Variants in ABCB10 observed in about 807,000 individuals in gnomAD.
The protein encoded by ABCB10 is ATP binding cassette subfamily B member 10.
In ABCB10, 54 loss-of-function variants were observed where a neutral mutation model predicts 65.4. That is an observed-to-expected ratio of 0.83 (90% confidence interval 0.66 to 1.04). ABCB10 has a LOEUF of 1.04. Among genes scored for constraint, ABCB10 ranks in the 50% least tolerant of loss-of-function variants. ABCB10 has a pLI of 0.00. For missense variants in ABCB10, 846 were observed against 976.6 expected (o/e 0.87, Z 1.78); for synonymous variants, 418 against 406.5 (o/e 1.03, Z -0.34).
rs1253501945 is a variant in ABCB10 at position 229,558,450 on chromosome 1, CAGCGGCGCGCGGCTCCAACGCCCCAG to C, written c.177_202del (p.Trp60GlufsTer99). The C allele has an allele frequency of 2.5e-6, 3 of 1,222,098 alleles. No homozygotes were observed. Among genetic ancestry groups the C allele is most frequent in the African/African-American group, 1.6e-5 (1 of 62,422 alleles). The allele number at this position is 1,222,098 out of a possible 1,614,324, so 75.7% of individuals were successfully genotyped here. A position where few individuals can be genotyped will look rare whatever the true frequency, so the allele number is the denominator to read the frequency against. ...ACCCCCGCCCCGGCAGCCGCTCCTC[CAGCGGCGCGCGGCTCCAACGCCCCAG>C]AGCAGCGCGGGCCCCGCGCCCCATA... On this transcript the variant is annotated frameshift_variant, in exon 1 of 13. Transcript: ENST00000344517. LOFTEE classifies it high-confidence loss of function.
At chr1:229,547,035 G>A (rs995989239) in intron 3 of ABCB10, among the ~76,000 whole-genome samples, 3 of 152,176 alleles carry the variant, frequency 2.0e-5, no homozygotes, top group African/African-American at 7.2e-5. Context: ...GGTTGAAGAG[G>A]TAAGGCAAGC....
intron 6 of ABCB10, among the ~76,000 whole-genome samples, chr1:229,539,232 C>T (rs1475147514): frequency 6.6e-6 from 1 of 152,158 alleles, no homozygotes; most frequent in African/African-American, 2.4e-5. Flanking sequence ...CTATAAGAGG[C>T]CTGCAAAGAT....
intron 11 of ABCB10, chr1:229,519,147 G>C: frequency 3.2e-6 from 1 of 314,044 alleles, no homozygotes; most frequent in South Asian, 6.8e-5. Flanking sequence ...GGCTGCTAAA[G>C]AGTAGAGGGT....
intron 6 of ABCB10, chr1:229,535,300 T>C (rs1274571852): frequency 6.6e-6 from 1 of 152,228 alleles, no homozygotes; most frequent in African/African-American, 2.4e-5. Context: ...ATAGCAGCTT[T>C]ATTCATCATT....
chr1:229,535,601 C>T (rs1662701374), intron 6 of ABCB10, among the ~76,000 whole-genome samples: 1 of 152,158 alleles, frequency 6.6e-6, no homozygotes, highest in African/African-American at 2.4e-5. Context: ...TAAAACTACT[C>T]TGTATGATAC....
chr1:229,558,698 C>G lies in ABCB10; in HGVS notation c.-46G>C. The G allele has an allele frequency of 8.0e-7, 1 of 1,253,940 alleles. No homozygotes were observed. The highest frequency in any genetic ancestry group is 1.0e-6 in the Non-Finnish European group (1 of 999,826). 77.7% of individuals were successfully genotyped at this position (1,253,940 alleles called of 1,614,324 possible). ...CGCCTCAGCCCGCCGGCCAGGCGCG[C>G]GCAAAGCCCGAGGACCCTCCCGGCC... is the stretch of plus-strand genomic sequence containing the variant. On this transcript the variant is annotated 5_prime_UTR_variant, in exon 1 of 13. Coordinates refer to ENST00000344517, the MANE Select transcript of ABCB10 (RefSeq NM_012089.3).
intron 10 of ABCB10, among the ~76,000 whole-genome samples, chr1:229,524,938 C>T (rs1662400123): frequency 6.6e-6 from 1 of 152,140 alleles, no homozygotes; most frequent in South Asian, 2.1e-4. Flanking sequence ...ACTGCAACCT[C>T]CGCCTCCTGA....
intron 7 of ABCB10, among the ~76,000 whole-genome samples, chr1:229,530,951 T>C (rs376514323): frequency 5.9e-5 from 9 of 152,322 alleles, no homozygotes; most frequent in East Asian, 5.8e-4. Flanking sequence ...TGGGAGACAC[T>C]ACTGAAACTC....
chr1:229,547,705 CA>C lies in ABCB10; in HGVS notation c.719-5del. On this transcript the variant is annotated splice_region_variant and splice_polypyrimidine_tract_variant and intron_variant, in intron 2 of 12. Transcript: ENST00000344517. ...AGCCTATTCACAATGCGCTGACCTG[CA>C]AAAGCAAACACGAACAGGCTCACCA... The C allele has an allele frequency of 6.2e-7, 1 of 1,614,086 alleles. No individual in the cohort carries two copies. The highest frequency in any genetic ancestry group is 1.1e-5 in the South Asian group (1 of 91,082).
At chr1:229,533,076 G>C (rs534365001) in intron 6 of ABCB10, among the ~76,000 whole-genome samples, 1 of 152,236 alleles carries the variant, frequency 6.6e-6, no homozygotes, top group African/African-American at 2.4e-5. Flanking sequence ...CAAAGTGCTG[G>C]AATTACAAGT....
At chr1:229,523,419 G>T (rs1662361480) in intron 10 of ABCB10, among the ~76,000 whole-genome samples, 1 of 152,130 alleles carries the variant, frequency 6.6e-6, no homozygotes, top group Non-Finnish European at 1.5e-5. Context: ...AGTAGTTGCT[G>T]GACATCATTT....
At position 229,542,790 on chromosome 1, in the gene ABCB10, A is replaced by C. The variant is rs1662881813; in HGVS notation, c.922-419T>G. Among the ~76,000 whole-genome samples, 3 of 151,980 alleles carry C rather than the reference A, an allele frequency of 2.0e-5. No homozygotes were observed. In the South Asian group the frequency reaches 6.2e-4, roughly 31 times the overall value. On this transcript the variant is annotated intron_variant, in intron 3 of 12. Coordinates refer to ENST00000344517, the MANE Select transcript of ABCB10 (RefSeq NM_012089.3). The stretch of plus-strand genomic sequence containing the variant: ...CCACCTGCAGGCACTGAACAACCAC[A>C]GCAACACGTCCCATCAAAATGACCA...
chr1:229,539,553 C>T lies in ABCB10; in HGVS notation c.1242G>A (p.Leu414=). ...TGCCCATCAGCAGCCCTCCTTTGTA[C>T]AGGACAGAAAGCACGATCAGGTTTC... ...LSGNLIVLSV[L]YKGGLLMGSA... is the part of the protein sequence containing the mutation. Residue 414 remains leucine (L), a synonymous_variant, in exon 6 of 13, where the codon CTG becomes CTA. Coordinates refer to ENST00000344517, the MANE Select transcript of ABCB10 (RefSeq NM_012089.3). The T allele has an allele frequency of 6.2e-7, 1 of 1,614,054 alleles. No homozygotes were observed. The highest frequency in any genetic ancestry group is 1.1e-5 in the South Asian group (1 of 91,072).
chr1:229,537,912 A>G (rs148803178), intron 6 of ABCB10, among the ~76,000 whole-genome samples: 140 of 152,362 alleles, frequency 9.2e-4, no homozygotes, highest in Non-Finnish European at 1.8e-3. Flanking sequence ...GTTGGATTAA[A>G]TTCCTATCAC....
Position 229,530,362 on chromosome 1 carries a change from A to C in ABCB10, c.1482T>G (p.Phe494Leu). Residue 494 changes from phenylalanine (F) to leucine (L), a missense_variant, in exon 8 of 13, where the codon TTT becomes TTG. Coordinates refer to ENST00000344517, the MANE Select transcript of ABCB10 (RefSeq NM_012089.3). ...CTGGATAGGCAAAATGCACGTTCTT[A>C]AACTCCAAAGCACCCTGGAAGCTTT... Reference protein sequence around the residue: ...NEKSFQGALEFKNVHFAYPAR... With the variant: ...NEKSFQGALELKNVHFAYPAR... 3.1e-6 allele frequency: 5 copies of C among 1,614,234 alleles called. No individual in the cohort carries two copies. The highest frequency in any genetic ancestry group is 4.2e-6 in the Non-Finnish European group (5 of 1,180,044).
intron 4 of ABCB10, 56 bp downstream of exon 4, chr1:229,542,179 GGA>G: frequency 6.3e-7 from 1 of 1,585,864 alleles, no homozygotes; most frequent in Non-Finnish European, 8.6e-7. Context: ...CTGCCCTCTA[GGA>G]TCCTGGCTAT....
intron 8 of ABCB10, among the ~76,000 whole-genome samples, chr1:229,529,817 C>T (rs1356599789): frequency 2.0e-5 from 3 of 152,268 alleles, no homozygotes; most frequent in South Asian, 2.1e-4. Flanking sequence ...CACTGGCACA[C>T]GGTGGTTCTC....
At position 229,521,584 on chromosome 1, in the gene ABCB10, AG is replaced by A. The variant is rs1262397089; in HGVS notation, c.1950+7del. On this transcript the variant is annotated splice_region_variant and intron_variant, in intron 11 of 12. Coordinates refer to ENST00000344517, the MANE Select transcript of ABCB10 (RefSeq NM_012089.3). ...ATTTAAAAAACATCCAAGTCGCTTC[AG>A]GCTTACCTTTAGCAGAGCACGGGCA... is the stretch of plus-strand genomic sequence containing the variant. 2.5e-6 allele frequency: 4 copies of A among 1,595,742 alleles called. No homozygotes were observed. The highest frequency in any genetic ancestry group is 3.4e-6 in the Non-Finnish European group (4 of 1,170,166).
intron 3 of ABCB10, among the ~76,000 whole-genome samples, chr1:229,547,123 G>GCA (rs1662986535): frequency 6.6e-6 from 1 of 152,128 alleles, no homozygotes; most frequent in African/African-American, 2.4e-5. Flanking sequence ...CCTTAAAAGA[G>GCA]CACAGTTCGA....
Sources: gnomAD v4.1 joint callset for allele counts (sites outside exome capture counted in the v4.1 genomes callset) on GRCh38, gnomAD v4.1.1 for gene constraint, MANE v1.5 for transcripts, NCBI Gene and HGNC (gene_info 2026-07-23, HGNC 2026-07-21) for gene names.